Variants in DDX60L observed in about 807,000 individuals in gnomAD.
DDX60L encodes the protein probable ATP-dependent RNA helicase DDX60-like.
In DDX60L, 191 loss-of-function variants were observed where a neutral mutation model predicts 211.6. That is an observed-to-expected ratio of 0.90 (90% CI 0.80 to 1.02). The LOEUF is 1.02. DDX60L is among the 50% of genes least tolerant of loss of function. The probability of loss-of-function intolerance (pLI) is 0.00; values close to 1 mark genes in which losing one functional copy is unlikely to be tolerated. For missense variants in DDX60L, 2,007 were observed against 1,984.1 expected (o/e 1.01, Z -0.22); for synonymous variants, 706 against 694.1 (o/e 1.02, Z -0.27).
At chr4:168,415,333 G>A in intron 22 of DDX60L, 75 bp downstream of exon 22, 1 of 733,006 alleles carries the variant, frequency 1.4e-6, no homozygotes, top group Non-Finnish European at 2.2e-6. Flanking sequence ...GCAGTTCTAT[G>A]AAGATTGAGT....
chr4:168,381,510 A>G (rs1742948686), intron 30 of DDX60L, among the ~76,000 whole-genome samples: 1 of 152,202 alleles, frequency 6.6e-6, no homozygotes, highest in Non-Finnish European at 1.5e-5. Flanking sequence ...AATTTAATAA[A>G]TATACTTCTT....
intron 29 of DDX60L, among the ~76,000 whole-genome samples, chr4:168,387,914 C>T (rs1170104012): frequency 2.0e-5 from 3 of 152,190 alleles, no homozygotes; most frequent in Non-Finnish European, 4.4e-5. Flanking sequence ...GAAGATCCAG[C>T]AGTTCAGATA....
At position 168,422,568 on chromosome 4, in the gene DDX60L, C is replaced by T. The variant is rs370939339; in HGVS notation, c.2200G>A (p.Asp734Asn). ...AAATCCTGGACCCTGGGATCCCGAT[C>T]TTTTCTTTCATCTCTTATCAAGTAA... ...GHYLIRDERK[D>N]RDPRVQDFIP... Residue 734 changes from aspartate (D) to asparagine (N), a missense_variant, in exon 16 of 38, where the codon GAT (aspartate) becomes AAT (asparagine). Physicochemically the swap from Asp to Asn is conservative, Grantham distance 23 (BLOSUM62 1). Coordinates refer to ENST00000682922, the MANE Select transcript of DDX60L (RefSeq NM_001012967.3). 1.9e-6 allele frequency: 3 copies of T among 1,613,192 alleles called. No individual in the cohort carries two copies. The highest frequency in any genetic ancestry group is 2.5e-6 in the Non-Finnish European group (3 of 1,179,734).
At chr4:168,473,393 T>C (rs747066118) in intron 1 of DDX60L, among the ~76,000 whole-genome samples, 2 of 152,164 alleles carry the variant, frequency 1.3e-5, no homozygotes, top group African/African-American at 4.8e-5. Context: ...GCTACTGAAA[T>C]AGTCCTGTAG....
At chr4:168,386,574 T>TG (rs1743909974) in intron 29 of DDX60L, among the ~76,000 whole-genome samples, 1 of 56,698 alleles carries the variant, frequency 1.8e-5, no homozygotes, top group Admixed American at 2.0e-4. Flanking sequence ...AATATGATGT[T>TG]GAAAAAAAAA....
Position 168,432,418 on chromosome 4 carries a change from C to T in DDX60L, c.1516+37G>A, listed in dbSNP as rs756973396. 4.1e-6 allele frequency: 5 copies of T among 1,223,762 alleles called. No homozygotes were observed. In the Admixed American group the frequency reaches 1.2e-4, roughly 30 times the overall value. 75.8% of individuals were successfully genotyped at this position (1,223,762 alleles called of 1,614,324 possible). ...AATAAAAAGAGCAGCAAAGGCAATT[C>T]ATATAAGCTCTATTTTATCGTGGTT... On this transcript the variant is annotated intron_variant, in intron 12 of 37. Transcript: ENST00000682922.
In DDX60L at chr4:168,358,273, G is replaced by T; in HGVS notation, c.4995C>A (p.Asp1665Glu). The T allele has an allele frequency of 1.3e-6, 2 of 1,562,634 alleles. No individual in the cohort carries two copies. The highest frequency in any genetic ancestry group is 1.2e-5 in the South Asian group (1 of 84,692). Residue 1665 changes from aspartate (D) to glutamate (E), a missense_variant, in exon 38 of 38, where the codon GAC becomes GAA. Transcript: ENST00000682922. ...TATTTTCACATAGTTCACTCAAGGAGTCACTGTATAAATGATAATAATAAT... is the reference window on the plus strand; with the variant it reads ...TATTTTCACATAGTTCACTCAAGGATTCACTGTATAAATGATAATAATAAT... ...DFAFNIQAIS[D>E]SLSELCENKR... is the part of the protein sequence containing the mutation.
chr4:168,478,226 A>G (rs997244732), intron 1 of DDX60L, among the ~76,000 whole-genome samples: 2 of 152,104 alleles, frequency 1.3e-5, no homozygotes, highest in Non-Finnish European at 2.9e-5. Context: ...CTCAACAAAG[A>G]CTCATAAAGA....
chr4:168,422,777 CT>C (rs1029282139), intron 15 of DDX60L, 107 bp from the exon 16 acceptor site: 19 of 886,658 alleles, frequency 2.1e-5, no homozygotes, highest in Non-Finnish European at 2.7e-5. Context: ...TTTTACTACA[CT>C]TTTTTTTATT....
chr4:168,441,115 C>T (rs990419124), intron 10 of DDX60L, among the ~76,000 whole-genome samples: 7 of 152,082 alleles, frequency 4.6e-5, no homozygotes, highest in African/African-American at 1.5e-4. Context: ...GTGGTTATCA[C>T]ACAGATGTAT....
chr4:168,387,724 A>G (rs558414198), intron 29 of DDX60L, among the ~76,000 whole-genome samples: 2 of 152,376 alleles, frequency 1.3e-5, no homozygotes, highest in African/African-American at 4.8e-5. Flanking sequence ...GTAATAGATT[A>G]AGCATCAAAA....
chr4:168,421,057 A>G (rs1750525293), intron 17 of DDX60L, among the ~76,000 whole-genome samples: 1 of 152,190 alleles, frequency 6.6e-6, no homozygotes, highest in Non-Finnish European at 1.5e-5. Context: ...ATTGCTGGAA[A>G]TGGAAGTCAT....
chr4:168,472,531 A>T lies in DDX60L; in HGVS notation c.5-7T>A. ...ACTGCATGATCCTTTGACCCTAAAA[A>T]TAAGGAGATTTTTTGAGCCATCAAT... On this transcript the variant is annotated splice_region_variant and splice_polypyrimidine_tract_variant and intron_variant, in intron 2 of 37. Transcript: ENST00000682922. 6.3e-7 allele frequency: 1 copy of T among 1,580,836 alleles called. No individual in the cohort carries two copies.
intron 30 of DDX60L, 102 bp downstream of exon 30, chr4:168,384,510 G>C (rs191257741): frequency 7.0e-7 from 1 of 1,431,304 alleles, no homozygotes; most frequent in East Asian, 2.4e-5. Context: ...CAAAAAGAAA[G>C]TTTATTTTCT....
At chr4:168,391,325 G>T (rs1280430337) in intron 29 of DDX60L, among the ~76,000 whole-genome samples, 2 of 152,110 alleles carry the variant, frequency 1.3e-5, no homozygotes, top group Non-Finnish European at 2.9e-5. Flanking sequence ...AGATTATTAA[G>T]CCAATAAACC....
chr4:168,367,476 T>G (rs1384614900), intron 36 of DDX60L, among the ~76,000 whole-genome samples: 1 of 152,178 alleles, frequency 6.6e-6, no homozygotes, highest in Admixed American at 6.5e-5. Context: ...CCAATAAAAC[T>G]TTTTCTTTTG....
At chr4:168,374,987 T>C (rs1741685046) in intron 34 of DDX60L, among the ~76,000 whole-genome samples, 1 of 152,218 alleles carries the variant, frequency 6.6e-6, no homozygotes, top group Admixed American at 6.5e-5. Context: ...TTCACATTTG[T>C]AACCACTATG....
chr4:168,391,152 A>G (rs989865733), intron 29 of DDX60L, among the ~76,000 whole-genome samples: 1 of 152,206 alleles, frequency 6.6e-6, no homozygotes, highest in African/African-American at 2.4e-5. Flanking sequence ...TGCCACACAC[A>G]GAGAAAGGCA....
intron 6 of DDX60L, 102 bp downstream of exon 6, chr4:168,457,790 T>C (rs1304616498): frequency 8.4e-6 from 5 of 598,086 alleles, no homozygotes; most frequent in African/African-American, 7.4e-5. Flanking sequence ...AGGAGGTATA[T>C]GGCACCCTTT....
Sources: allele counts gnomAD v4.1 joint callset (sites outside exome capture counted in the v4.1 genomes callset), GRCh38; gene constraint gnomAD v4.1.1; transcripts MANE v1.5; gene names NCBI Gene and HGNC (gene_info 2026-07-23, HGNC 2026-07-21).